GPHN: variants seen among roughly 807,000 people sequenced by gnomAD.
GPHN encodes gephyrin.
GPHN carries 17 observed loss-of-function variants against 95.5 expected under a neutral mutation model. The ratio of observed to expected loss-of-function variants is 0.18; its 90% CI spans 0.12 to 0.27. The LOEUF (loss-of-function observed/expected upper bound fraction) is 0.27, where lower values mean the gene tolerates loss of function less well. GPHN is among the 10% of genes least tolerant of loss of function. The pLI is 1.00. For missense variants in GPHN, 660 were observed against 978.1 expected (o/e 0.67, Z 4.34); for synonymous variants, 320 against 322.5 (o/e 0.99, Z 0.08).
At chr14:66,884,475 T>C (rs2064088120) in intron 5 of GPHN, among the ~76,000 whole-genome samples, 1 of 152,092 alleles carries the variant, frequency 6.6e-6, no homozygotes, top group Admixed American at 6.6e-5. Flanking sequence ...AGTGTTACCT[T>C]GGTACTTTAC....
chr14:67,579,557 C>G, the GPHN span: 3 of 691,302 alleles, frequency 4.3e-6, no homozygotes, highest in Non-Finnish European at 7.2e-6. Flanking sequence ...AGCTCACATC[C>G]CTCATGCACT....
chr14:67,082,890 T>C (rs897607458), intron 11 of GPHN, among the ~76,000 whole-genome samples: 5 of 152,226 alleles, frequency 3.3e-5, no homozygotes, highest in African/African-American at 1.2e-4. Flanking sequence ...CATTCATCAG[T>C]TGATGGATAT....
chr14:67,293,187 T>A, the GPHN span, among the ~76,000 whole-genome samples: 21 of 152,162 alleles, frequency 1.4e-4, no homozygotes, highest in Non-Finnish European at 5.9e-5. Flanking sequence ...TAAATCTTAA[T>A]ATACTATGGG....
chr14:66,575,511 A>C (rs554500030), intron 1 of GPHN, among the ~76,000 whole-genome samples: 2 of 152,214 alleles, frequency 1.3e-5, no homozygotes. Flanking sequence ...TTGACAGAAG[A>C]AGCTCTTTAC....
chr14:66,958,366 C>T (rs935211002), intron 8 of GPHN, among the ~76,000 whole-genome samples: 1 of 152,130 alleles, frequency 6.6e-6, no homozygotes, highest in Non-Finnish European at 1.5e-5. Context: ...AATTTATTTG[C>T]GTCTTTGGAT....
At chr14:66,731,014 A>G (rs1008156736) in intron 2 of GPHN, among the ~76,000 whole-genome samples, 7 of 152,168 alleles carry the variant, frequency 4.6e-5, no homozygotes, top group Non-Finnish European at 1.0e-4. Context: ...TGATGGTTTG[A>G]TAAGGCAGTT....
chr14:67,183,326 A>G (rs1446621680), downstream of GPHN, among the ~76,000 whole-genome samples: 2 of 152,266 alleles, frequency 1.3e-5, no homozygotes, highest in East Asian at 3.9e-4. Flanking sequence ...ATCAGTAAAT[A>G]TTTGCTCAAT....
the GPHN span, among the ~76,000 whole-genome samples, chr14:67,536,385 C>T: frequency 1.3e-5 from 2 of 151,846 alleles, no homozygotes; most frequent in Admixed American, 1.3e-4. Context: ...TCTGGCAGAG[C>T]ACTTTTAGAA....
At chr14:66,880,523 G>A (rs997907536) in intron 5 of GPHN, among the ~76,000 whole-genome samples, 1 of 151,786 alleles carries the variant, frequency 6.6e-6, no homozygotes, top group African/African-American at 2.4e-5. Flanking sequence ...TCTATTAATT[G>A]TAGGTAAATA....
At chr14:66,841,011 ATATAGATATAGATATAGATATAGG>A (rs773100303) in intron 4 of GPHN, among the ~76,000 whole-genome samples, 54 of 130,176 alleles carry the variant, frequency 4.1e-4, no homozygotes, top group East Asian at 1.6e-3. Context: ...ATAGATATAG[ATATAGATATAGATATAGATATAGG>A]TATAGATATA....
At chr14:67,387,252 T>C in the GPHN span, 3 of 1,437,848 alleles carry the variant, frequency 2.1e-6, no homozygotes, top group African/African-American at 1.4e-5. Context: ...TCAAAAGTCT[T>C]AACACTCCCA....
the GPHN span, among the ~76,000 whole-genome samples, chr14:67,307,709 C>CT: frequency 6.6e-6 from 1 of 152,112 alleles, no homozygotes; most frequent in Non-Finnish European, 1.5e-5. Flanking sequence ...CCTTGACTCA[C>CT]TTTCACTATT....
chr14:66,541,385 T>C (rs569098816), intron 1 of GPHN, among the ~76,000 whole-genome samples: 37 of 152,308 alleles, frequency 2.4e-4, no homozygotes, highest in Non-Finnish European at 5.0e-4. Flanking sequence ...GAGAAGGTAC[T>C]AGAAATAATA....
At chr14:67,573,963 G>A in the GPHN span, 1 of 1,053,192 alleles carries the variant, frequency 9.5e-7, no homozygotes, top group Admixed American at 1.7e-5. This position sits in a 1 kb window ranked among gnomAD's most constrained non-coding sequence, Gnocchi z 4.8. Context: ...GTGAGACAAA[G>A]ATGGGGCCAA....
chr14:66,632,410 C>A (rs1002475710), intron 1 of GPHN, among the ~76,000 whole-genome samples: 1 of 151,756 alleles, frequency 6.6e-6, no homozygotes, highest in Non-Finnish European at 1.5e-5. Context: ...TTGATCCAGG[C>A]GCAGATTTGC....
chr14:66,921,687 C>T (rs1010520428), intron 6 of GPHN, among the ~76,000 whole-genome samples: 1 of 152,116 alleles, frequency 6.6e-6, no homozygotes, highest in Non-Finnish European at 1.5e-5. Flanking sequence ...CACCATCATT[C>T]TTCACAGAGT....
At chr14:66,870,810 A>C (rs1284120109) in intron 4 of GPHN, among the ~76,000 whole-genome samples, 1 of 152,194 alleles carries the variant, frequency 6.6e-6, no homozygotes, top group African/African-American at 2.4e-5. Flanking sequence ...ATGATACTTG[A>C]AAGGAAATTT....
the GPHN span, among the ~76,000 whole-genome samples, chr14:67,530,991 C>T: frequency 2.6e-5 from 4 of 152,342 alleles, no homozygotes; most frequent in East Asian, 3.9e-4. Context: ...GTCCCCATCC[C>T]GGCCTCATCT....
chr14:66,586,586 G>C (rs1388324702), intron 1 of GPHN, among the ~76,000 whole-genome samples: 1 of 152,146 alleles, frequency 6.6e-6, no homozygotes, highest in African/African-American at 2.4e-5. Flanking sequence ...AGGCTTGGTG[G>C]TGACAACATA....
Sources: gnomAD v4.1 joint callset for allele counts (sites outside exome capture counted in the v4.1 genomes callset) on GRCh38, gnomAD v4.1.1 for gene constraint, Gnocchi (gnomAD v3.1) non-coding constraint, MANE v1.5 for transcripts, NCBI Gene and HGNC (gene_info 2026-07-23, HGNC 2026-07-21) for gene names.